The following BIN1 variants were observed in gnomAD, a reference collection of about 807,000 sequenced individuals.
BIN1 encodes the protein myc box-dependent-interacting protein 1.
In BIN1, 53 loss-of-function variants were observed where a neutral mutation model predicts 82.0. The observed-to-expected ratio is 0.65, with a 90% CI of 0.52 to 0.81. The LOEUF is 0.81. Among genes scored for constraint, BIN1 ranks in the 40% least tolerant of loss-of-function variants. The probability of loss-of-function intolerance (pLI) is 0.00; values close to 1 mark genes in which losing one functional copy is unlikely to be tolerated. For synonymous variants in BIN1, 302 were observed against 328.0 expected, an observed-to-expected ratio of 0.92 and a Z score of 0.86; for missense variants, 642 against 784.4, an observed-to-expected ratio of 0.82 and a Z score of 2.17.
chr2:127,088,323 C>T (rs887150664), intron 1 of BIN1, among the ~76,000 whole-genome samples: 10 of 152,234 alleles, frequency 6.6e-5, no homozygotes, highest in African/African-American at 2.4e-4. Flanking sequence ...CAGCAACGTG[C>T]CCTGGTGGCA....
intron 14 of BIN1, 57 bp downstream of exon 14, chr2:127,053,365 C>G: frequency 6.2e-7 from 1 of 1,608,108 alleles, no homozygotes; most frequent in South Asian, 1.1e-5. Flanking sequence ...TGGGCCTGGA[C>G]ACATACGGAA....
At chr2:127,050,143 G>C (rs974848306) in intron 18 of BIN1, among the ~76,000 whole-genome samples, 12 of 152,304 alleles carry the variant, frequency 7.9e-5, no homozygotes, top group Admixed American at 2.6e-4. Flanking sequence ...CTGAGCAAAG[G>C]GGGGACGTGG....
Position 127,058,987 on chromosome 2 carries a change from C to T in BIN1, c.1002+24G>A, listed in dbSNP as rs552074513. ...AGGAGAAGGAGGGAGGGCAGGGGAC[C>T]TGCTACCAAGACATCACTCCTACCT... is the stretch of plus-strand genomic sequence containing the variant. On this transcript the variant is annotated intron_variant, in intron 11 of 18. Coordinates refer to ENST00000316724, the MANE Select transcript of BIN1 (RefSeq NM_139343.3). 9.4e-5 allele frequency: 146 copies of T among 1,553,606 alleles called. 2 individuals are homozygous for T. In the Admixed American group the frequency reaches 2.2e-3, roughly 24 times the overall value.
Position 127,048,601 on chromosome 2 carries a change from G to A in BIN1, c.1707C>T (p.Ser569=), listed in dbSNP as rs928950798. The change falls in exon 19 of 19, where the codon AGC becomes AGT. Residue 569 remains serine (S), a synonymous_variant. Coordinates refer to ENST00000316724, the MANE Select transcript of BIN1 (RefSeq NM_139343.3). ...CCAGCTCCTTGTGCTGGTTCCAGTC[G>A]CTCTCCTTCACGCCCATGAGCCAGC... The part of the protein sequence containing the change: ...DEGWLMGVKE[S]DWNQHKELEK... The A allele has an allele frequency of 6.8e-6, 11 of 1,613,320 alleles. No individual in the cohort carries two copies. Among genetic ancestry groups the A allele is most frequent in the Admixed American group, 1.7e-5 (1 of 60,000 alleles).
Position 127,059,600 on chromosome 2 carries a change from G to A in BIN1, c.858-445C>T, listed in dbSNP as rs966723717. ...CACACGCAGCAGCCCCTCTGTTCTG[G>A]GGTCTGCTCCCCAGCCTGCTGCCCT... On this transcript the variant is annotated intron_variant, in intron 10 of 18. Coordinates refer to ENST00000316724, the MANE Select transcript of BIN1 (RefSeq NM_139343.3). This position sits in a 1 kb window ranked among gnomAD's most constrained non-coding sequence, Gnocchi z 6.7. Among the ~76,000 whole-genome samples, 2 of 152,064 alleles carry A rather than the reference G, an allele frequency of 1.3e-5. No individual in the cohort carries two copies. The highest frequency in any genetic ancestry group is 4.8e-5 in the African/African-American group (2 of 41,386).
chr2:127,052,668 CG>C, intron 14 of BIN1: 1 of 425,700 alleles, frequency 2.3e-6, no homozygotes, highest in South Asian at 2.6e-5. Flanking sequence ...GGAAATCCTG[CG>C]GTGGAGCCTC....
At position 127,070,805 on chromosome 2, in the gene BIN1, G is replaced by C. The variant is rs752642224; in HGVS notation, c.177C>G (p.Thr59=). Residue 59 remains threonine (T), a synonymous_variant, in exon 3 of 19, where the codon ACC becomes ACG. Coordinates refer to ENST00000316724, the MANE Select transcript of BIN1 (RefSeq NM_139343.3). ...AGGTCCGGAGATCCTTCTGCAGCCG[G>C]GTGCCCTCCGTCTGCAAAGAGAAGG... ...QNFNKQLTEG[T]RLQKDLRTYL... is the part of the protein sequence containing the mutation. 6.2e-6 allele frequency: 10 copies of C among 1,612,302 alleles called. 1 individual carries two copies. Among genetic ancestry groups the C allele is most frequent in the Middle Eastern group, 2.0e-4 (1 of 4,960 alleles).
At chr2:127,104,724 C>T (rs543894713) in intron 1 of BIN1, among the ~76,000 whole-genome samples, 1 of 152,280 alleles carries the variant, frequency 6.6e-6, no homozygotes, top group African/African-American at 2.4e-5. Context: ...TGAGGATGAC[C>T]CTCCAATGAT....
At chr2:127,098,377 TC>T (rs1393625461) in intron 1 of BIN1, among the ~76,000 whole-genome samples, 1 of 152,070 alleles carries the variant, frequency 6.6e-6, no homozygotes, top group Non-Finnish European at 1.5e-5. Flanking sequence ...CAATCCGGGC[TC>T]AGCCACCAGA....
chr2:127,099,350 ATGTGTGTG>A (rs3033389), intron 1 of BIN1, among the ~76,000 whole-genome samples: 2 of 149,406 alleles, frequency 1.3e-5, no homozygotes, highest in African/African-American at 2.5e-5. Context: ...CCCAGGGTGC[ATGTGTGTG>A]TGTGTGTGTG....
intron 10 of BIN1, among the ~76,000 whole-genome samples, chr2:127,061,879 C>T (rs115184420): frequency 4.1e-4 from 63 of 152,274 alleles, no homozygotes; most frequent in African/African-American, 1.4e-3. Flanking sequence ...CAGGGACCCG[C>T]GGACTCCCCA....
chr2:127,105,503 T>TCC (rs1480065007), intron 1 of BIN1, among the ~76,000 whole-genome samples: 309 of 137,138 alleles, frequency 2.3e-3, no homozygotes, highest in South Asian at 6.5e-3. Context: ...CTCCTCCTCC[T>TCC]TCCCTGGGGT....
intron 1 of BIN1, among the ~76,000 whole-genome samples, chr2:127,088,379 C>G (rs986490800): frequency 1.0e-4 from 15 of 146,800 alleles, no homozygotes; most frequent in African/African-American, 3.5e-4. Context: ...GGTCTCTGCC[C>G]TGGAGGAGCC....
At chr2:127,101,632 A>G (rs1680361879) in intron 1 of BIN1, among the ~76,000 whole-genome samples, 1 of 152,186 alleles carries the variant, frequency 6.6e-6, no homozygotes, top group Non-Finnish European at 1.5e-5. Context: ...GTGGTGCTCA[A>G]TATTTGTTGC....
At chr2:127,081,691 C>A (rs889064233) in intron 1 of BIN1, 5 of 937,798 alleles carry the variant, frequency 5.3e-6, no homozygotes, top group Admixed American at 3.4e-5. Context: ...CCAGCGGCAC[C>A]CCTCGTCCCT....
intron 1 of BIN1, among the ~76,000 whole-genome samples, chr2:127,078,583 T>A (rs1427877266): frequency 6.6e-6 from 1 of 152,082 alleles, no homozygotes; most frequent in Admixed American, 6.5e-5. Context: ...ACCGATGATG[T>A]TGTGCTACAG....
In BIN1 at chr2:127,052,244, T is replaced by C; in HGVS notation, c.1371+11A>G. 1 of 1,563,370 alleles carries C rather than the reference T, an allele frequency of 6.4e-7. No homozygotes were observed. The highest frequency in any genetic ancestry group is 8.7e-7 in the Non-Finnish European group (1 of 1,153,358). On this transcript the variant is annotated intron_variant, in intron 15 of 18. Coordinates refer to ENST00000316724, the MANE Select transcript of BIN1 (RefSeq NM_139343.3). ...GGACAAGCCAGACAGGGGCTGGAGG[T>C]GGGCACTTACTTGGGCAGGCCCCGG... is the stretch of plus-strand genomic sequence containing the variant.
At position 127,048,648 on chromosome 2, in the gene BIN1, A is replaced by T; in HGVS notation, c.1675-15T>A. 1.2e-6 allele frequency: 2 copies of T among 1,611,298 alleles called. No individual in the cohort carries two copies. Among genetic ancestry groups the T allele is most frequent in the Non-Finnish European group, 1.7e-6 (2 of 1,179,088 alleles). The stretch of plus-strand genomic sequence containing the variant: ...CAGCCTTCATCCTGAGGGGCAGAGC[A>T]CCAGGTCGCACAGGGATGAGCAAGG... On this transcript the variant is annotated splice_polypyrimidine_tract_variant and intron_variant, in intron 18 of 18. Coordinates refer to ENST00000316724, the MANE Select transcript of BIN1 (RefSeq NM_139343.3).
chr2:127,069,726 G>A (rs992201075), intron 5 of BIN1, among the ~76,000 whole-genome samples: 5 of 121,836 alleles, frequency 4.1e-5, no homozygotes, highest in Non-Finnish European at 6.8e-5. Context: ...CAGCCACTCC[G>A]CAGCAACACA....
Sources: allele counts gnomAD v4.1 joint callset (sites outside exome capture counted in the v4.1 genomes callset), GRCh38; gene constraint gnomAD v4.1.1; non-coding constraint Gnocchi (gnomAD v3.1); transcripts MANE v1.5; gene names NCBI Gene and HGNC (gene_info 2026-07-23, HGNC 2026-07-21).